Variants in DYM observed in about 807,000 individuals in gnomAD.
DYM encodes the protein dyggve-Melchior-Clausen syndrome protein.
DYM carries 78 observed loss-of-function variants against 93.1 expected under a neutral mutation model. The observed-to-expected ratio is 0.84, with a 90% CI of 0.70 to 1.01. The LOEUF (loss-of-function observed/expected upper bound fraction) is 1.01. DYM is among the 50% of genes least tolerant of loss of function. The pLI, the probability that DYM is intolerant of heterozygous loss-of-function variation, is 0.00. For synonymous variants in DYM, 321 were observed against 319.7 expected (o/e 1.00, Z -0.04); for missense variants, 789 against 845.0 (o/e 0.93, Z 0.82).
At chr18:49,377,763 A>G (rs1287823357) in intron 5 of DYM, among the ~76,000 whole-genome samples, 5 of 152,196 alleles carry the variant, frequency 3.3e-5, no homozygotes, top group African/African-American at 7.2e-5. Context: ...TTGAAACCAC[A>G]GTGAAAAATT....
chr18:49,071,800 G>A (rs557605409), intron 17 of DYM, among the ~76,000 whole-genome samples: 1 of 152,274 alleles, frequency 6.6e-6, no homozygotes, highest in East Asian at 1.9e-4. Flanking sequence ...TTAATGGCAG[G>A]GAGAGAAAGG....
chr18:49,292,394 A>G (rs894104592), intron 8 of DYM, among the ~76,000 whole-genome samples: 3 of 150,116 alleles, frequency 2.0e-5, no homozygotes, highest in African/African-American at 7.4e-5. Context: ...ACACACACAC[A>G]CACACACAGA....
chr18:49,209,451 C>A (rs2092678483), intron 14 of DYM, 100 bp downstream of exon 14: 2 of 787,912 alleles, frequency 2.5e-6, no homozygotes, highest in South Asian at 3.0e-5. Context: ...TATAAATGTT[C>A]TCTTTAATAA....
At chr18:49,391,756 T>C in intron 2 of DYM, 111 bp from the exon 3 acceptor site, 2 of 921,826 alleles carry the variant, frequency 2.2e-6, no homozygotes, top group South Asian at 1.4e-5. Flanking sequence ...AAGAAAAATA[T>C]GGTGCACAGT....
At chr18:49,089,119 G>C (rs951193557) in intron 17 of DYM, among the ~76,000 whole-genome samples, 1 of 152,162 alleles carries the variant, frequency 6.6e-6, no homozygotes, top group Non-Finnish European at 1.5e-5. Context: ...CTTAGCCTCA[G>C]TTTCCTCACT....
intron 14 of DYM, among the ~76,000 whole-genome samples, chr18:49,182,266 G>A (rs1350633515): frequency 6.6e-6 from 1 of 152,150 alleles, no homozygotes; most frequent in East Asian, 1.9e-4. Context: ...GTTTTGGCTG[G>A]AGCTGTTATT....
intron 16 of DYM, among the ~76,000 whole-genome samples, chr18:49,106,819 G>C (rs368201414): frequency 1.1e-4 from 17 of 152,270 alleles, no homozygotes; most frequent in Admixed American, 3.3e-4. Flanking sequence ...CCCGACCTTT[G>C]TCTCTGGCTG....
intron 8 of DYM, among the ~76,000 whole-genome samples, chr18:49,309,179 A>G (rs1323692841): frequency 6.6e-6 from 1 of 152,220 alleles, no homozygotes. Context: ...GACAGATATG[A>G]AAAGAACAGA....
intron 15 of DYM, among the ~76,000 whole-genome samples, chr18:49,132,453 G>A (rs983901369): frequency 6.6e-6 from 1 of 152,006 alleles, no homozygotes; most frequent in Non-Finnish European, 1.5e-5. Flanking sequence ...TGAAAAAAGG[G>A]AAAAATCTGT....
chr18:49,312,460 A>G (rs1405778760), intron 8 of DYM, among the ~76,000 whole-genome samples: 1 of 152,000 alleles, frequency 6.6e-6, no homozygotes, highest in Non-Finnish European at 1.5e-5. Flanking sequence ...CATACTCACA[A>G]ACCAATCAGC....
chr18:49,057,637 C>A (rs1229068223), intron 17 of DYM, among the ~76,000 whole-genome samples: 1 of 152,234 alleles, frequency 6.6e-6, no homozygotes, highest in Non-Finnish European at 1.5e-5. Flanking sequence ...CCTAGACAGG[C>A]TGGAAGGCAG....
chr18:49,250,100 A>G (rs541112060), intron 13 of DYM, among the ~76,000 whole-genome samples: 1 of 152,354 alleles, frequency 6.6e-6, no homozygotes, highest in South Asian at 2.1e-4. Context: ...ATGCTAATCA[A>G]CTTGCATGAA....
chr18:49,124,362 G>A (rs200342396), intron 15 of DYM, among the ~76,000 whole-genome samples: 1 of 152,028 alleles, frequency 6.6e-6, no homozygotes, highest in East Asian at 1.9e-4. Flanking sequence ...AAATTAGCTA[G>A]GAGTGATGTG....
chr18:49,347,445 CA>C (rs746723424), intron 6 of DYM, among the ~76,000 whole-genome samples: 8 of 151,930 alleles, frequency 5.3e-5, no homozygotes, highest in Non-Finnish European at 1.0e-4. Context: ...GAAATAAAAG[CA>C]AAGAAAAAAA....
At position 49,398,794 on chromosome 18, in the gene DYM, A is replaced by G. The variant is rs572272974; in HGVS notation, c.141-7149T>C. Among the ~76,000 whole-genome samples the G allele has an allele frequency of 2.0e-5, 3 of 152,344 alleles. No homozygotes were observed. The East Asian group carries it at 5.8e-4, about 29-fold the overall frequency. Reference sequence around the variant, plus strand: ...TTCTAATTAATAAATCACTGTGGTCAGATTTAATGATACACATTAGTAGTT... The same window carrying G: ...TTCTAATTAATAAATCACTGTGGTCGGATTTAATGATACACATTAGTAGTT... On this transcript the variant is annotated intron_variant, in intron 2 of 17. Coordinates refer to ENST00000675505, the MANE Select transcript of DYM (RefSeq NM_001353214.3).
chr18:49,124,903 T>C (rs1165561463), intron 15 of DYM, among the ~76,000 whole-genome samples: 1 of 152,226 alleles, frequency 6.6e-6, no homozygotes, highest in Non-Finnish European at 1.5e-5. Context: ...AATTCAGAAA[T>C]AAGTTTGAAG....
chr18:49,415,197 G>A (rs1427060632), intron 2 of DYM, among the ~76,000 whole-genome samples: 3 of 151,424 alleles, frequency 2.0e-5, no homozygotes, highest in African/African-American at 7.3e-5. Flanking sequence ...GCACACACCT[G>A]TAGTCCCAGC....
intron 6 of DYM, among the ~76,000 whole-genome samples, chr18:49,345,488 G>T (rs955631076): frequency 3.3e-5 from 5 of 152,114 alleles, no homozygotes; most frequent in African/African-American, 1.2e-4. Flanking sequence ...GGTGGCAAGG[G>T]AAGTGTCTTC....
chr18:49,408,013 T>C (rs976998279), intron 2 of DYM, among the ~76,000 whole-genome samples: 1 of 147,926 alleles, frequency 6.8e-6, no homozygotes, highest in Non-Finnish European at 1.5e-5. Flanking sequence ...GAGGACTGCC[T>C]GATTCCAGGA....
Sources: gnomAD v4.1 joint callset for allele counts (sites outside exome capture counted in the v4.1 genomes callset) on GRCh38, gnomAD v4.1.1 for gene constraint, MANE v1.5 for transcripts, NCBI Gene and HGNC (gene_info 2026-07-23, HGNC 2026-07-21) for gene names.